Variants in CEP57 observed in about 807,000 individuals in gnomAD.
CEP57 encodes the protein centrosomal protein of 57 kDa.
A neutral mutation model predicts 68.0 loss-of-function variants in CEP57; 40 were observed. That is an observed-to-expected ratio of 0.59 (90% CI 0.46 to 0.77). CEP57 has a LOEUF of 0.77. Among genes scored for constraint, CEP57 ranks in the 30% least tolerant of loss-of-function variants. The pLI is 0.00. For missense variants in CEP57, 606 were observed against 580.7 expected, an observed-to-expected ratio of 1.04 and a Z score of -0.45; for synonymous variants, 219 against 198.7, an observed-to-expected ratio of 1.10 and a Z score of -0.86.
chr11:95,821,962 C>G lies in CEP57; in HGVS notation c.791C>G (p.Ser264Ter), dbSNP rs368470481. The change falls in exon 7 of 11, where the codon TCA becomes TGA. Residue 264 changes from serine (S) to a stop codon, truncating the protein, a stop_gained. Transcript: ENST00000325542. LOFTEE classifies it high-confidence loss of function. ...PNARRIKKKK[S>*]KPPEKKSSRN... The stretch of plus-strand genomic sequence containing the variant: ...GCAAGAAGAATTAAAAAAAAGAAGT[C>G]AAAACCACCAGAAAAGGTGTGAAGA... 1.2e-6 allele frequency: 2 copies of G among 1,611,546 alleles called. No individual in the cohort carries two copies. The highest frequency in any genetic ancestry group is 1.7e-5 in the Admixed American group (1 of 59,956).
chr11:95,828,086 AC>A, intron 9 of CEP57, 59 bp downstream of exon 9: 1 of 1,536,338 alleles, frequency 6.5e-7, no homozygotes. Flanking sequence ...TTTTTTAAAA[AC>A]TTGTTGACTT....
intron 1 of CEP57, among the ~76,000 whole-genome samples, chr11:95,792,894 A>G (rs1861158659): frequency 6.6e-6 from 1 of 151,866 alleles, no homozygotes; most frequent in African/African-American, 2.4e-5. Flanking sequence ...AGCTTATCAA[A>G]CAGCTGATCT....
chr11:95,828,952 G>A (rs921817724), intron 9 of CEP57, among the ~76,000 whole-genome samples: 1 of 151,282 alleles, frequency 6.6e-6, no homozygotes, highest in Non-Finnish European at 1.5e-5. Context: ...TGAGGCAGGA[G>A]AATGGCGTGA....
chr11:95,817,519 A>G (rs1295261520), intron 4 of CEP57, among the ~76,000 whole-genome samples: 3 of 152,288 alleles, frequency 2.0e-5, no homozygotes, highest in Middle Eastern at 3.4e-3. Context: ...TATATGTCCA[A>G]TAAATCCCTG....
At chr11:95,809,222 T>C (rs1861944344) in intron 2 of CEP57, among the ~76,000 whole-genome samples, 1 of 152,134 alleles carries the variant, frequency 6.6e-6, no homozygotes, top group Non-Finnish European at 1.5e-5. Context: ...GGGAAATTTA[T>C]AGCACTAAAT....
intron 1 of CEP57, among the ~76,000 whole-genome samples, chr11:95,792,328 C>G (rs1036413245): frequency 6.6e-6 from 1 of 152,140 alleles, no homozygotes; most frequent in African/African-American, 2.4e-5. Context: ...ACAAGGAATA[C>G]TCTTACAAAT....
Position 95,827,806 on chromosome 11 carries a change from CG to C in CEP57, c.907del (p.Val303TrpfsTer2). Reference sequence around the variant, plus strand: ...TTTAGTCCACAAGCCCTAGCCATGCCGTGGTAGCCAATGTTCAGCTTGTCTT... The same window carrying C: ...TTTAGTCCACAAGCCCTAGCCATGCCTGGTAGCCAATGTTCAGCTTGTCTT... ...AGKSTSPSHA[V>X]VANVQLVLHL... On this transcript the variant is annotated frameshift_variant, in exon 9 of 11. Transcript: ENST00000325542. LOFTEE classifies it high-confidence loss of function. The C allele has an allele frequency of 1.2e-6, 2 of 1,613,982 alleles. No individual in the cohort carries two copies. The highest frequency in any genetic ancestry group is 1.7e-6 in the Non-Finnish European group (2 of 1,179,976).
rs35157937 is a variant in CEP57, at chr11:95,792,922, T to TAA, written c.45+2191_45+2192dup. On this transcript the variant is annotated intron_variant, in intron 1 of 10. Transcript: ENST00000325542. ...GCTGATCTTAACAGTAGGCAACATT[T>TAA]AAAAAAAAAAAAACTTGTTAAAACT... is the stretch of plus-strand genomic sequence containing the variant. 3.3e-3 allele frequency among the ~76,000 whole-genome samples: 486 copies of TAA among 146,764 alleles called. 4 individuals are homozygous for TAA. The highest frequency in any genetic ancestry group is 0.01 in the African/African-American group (416 of 39,794).
intron 3 of CEP57, 82 bp from the exon 4 acceptor site, chr11:95,813,386 A>C: frequency 6.6e-7 from 1 of 1,525,376 alleles, no homozygotes; most frequent in Non-Finnish European, 8.9e-7. Flanking sequence ...TGTATACACA[A>C]TAGATCCAAT....
chr11:95,829,223 G>A lies in CEP57; in HGVS notation c.1164G>A (p.Ser388=), dbSNP rs1463857205. ...HQQLAKLIQE[S]PTVELKDKLE... ...AGCTTGCAAAACTTATCCAGGAGTC[G>A]CCAACCGTTGAACTGAAAGACAAGT... The change falls in exon 10 of 11, where the codon TCG becomes TCA. Residue 388 remains serine (S), a synonymous_variant. Transcript: ENST00000325542. The A allele has an allele frequency of 8.1e-6, 13 of 1,613,768 alleles. No individual in the cohort carries two copies. The highest frequency in any genetic ancestry group is 2.2e-5 in the South Asian group (2 of 91,070).
chr11:95,831,381 C>A lies in CEP57; in HGVS notation c.*125C>A. On this transcript the variant is annotated 3_prime_UTR_variant, in exon 11 of 11. Coordinates refer to ENST00000325542, the MANE Select transcript of CEP57 (RefSeq NM_014679.5). ...TAATTAATAGCAGGTGTTAAAGGAC[C>A]CAGGCTTCATTACACAGGCTTTTCA... 1.4e-6 allele frequency: 1 copy of A among 719,014 alleles called. No individual in the cohort carries two copies. Among genetic ancestry groups the A allele is most frequent in the Non-Finnish European group, 2.4e-6 (1 of 410,660 alleles). 44.5% of individuals were successfully genotyped at this position (719,014 alleles called of 1,614,324 possible).
chr11:95,809,267 A>G (rs992238310), intron 2 of CEP57, among the ~76,000 whole-genome samples: 3 of 152,200 alleles, frequency 2.0e-5, no homozygotes, highest in Non-Finnish European at 4.4e-5. Context: ...TCTAAAATTG[A>G]CACCCTAACA....
chr11:95,791,202 T>G (rs79887776), intron 1 of CEP57, among the ~76,000 whole-genome samples: 153 of 152,294 alleles, frequency 1.0e-3, no homozygotes, highest in African/African-American at 3.3e-3. Context: ...GCTTATGCTG[T>G]TTCCTATCCC....
At chr11:95,804,986 G>A (rs1861732056) in intron 2 of CEP57, among the ~76,000 whole-genome samples, 1 of 152,056 alleles carries the variant, frequency 6.6e-6, no homozygotes, top group Non-Finnish European at 1.5e-5. Context: ...AGCCATTCAA[G>A]AATACATAAA....
At chr11:95,795,665 A>T (rs571774271) in intron 1 of CEP57, 35 of 450,282 alleles carry the variant, frequency 7.8e-5, no homozygotes, top group African/African-American at 6.5e-4. Flanking sequence ...TATCATAAGG[A>T]AGTAAGTTTT....
intron 8 of CEP57, among the ~76,000 whole-genome samples, chr11:95,823,433 T>A (rs776184737): frequency 1.5e-4 from 23 of 152,144 alleles, no homozygotes. Flanking sequence ...TGAAAAAACT[T>A]GCAAACTATA....
At chr11:95,795,723 A>AT (rs1201666857) in intron 1 of CEP57, among the ~76,000 whole-genome samples, 2 of 152,136 alleles carry the variant, frequency 1.3e-5, no homozygotes, top group Admixed American at 1.3e-4. Flanking sequence ...GCTTTTCTAC[A>AT]TTTGTTGACG....
chr11:95,814,983 T>C (rs1313793501), intron 4 of CEP57: 1 of 152,226 alleles, frequency 6.6e-6, no homozygotes, highest in Non-Finnish European at 1.5e-5. Context: ...TAACACCTAA[T>C]GCAATGTAAA....
At chr11:95,828,426 C>G (rs975707102) in intron 9 of CEP57, among the ~76,000 whole-genome samples, 1 of 152,168 alleles carries the variant, frequency 6.6e-6, no homozygotes, top group Non-Finnish European at 1.5e-5. Context: ...TGTTACTCTA[C>G]TACTAAATAC....
Sources: gnomAD v4.1 joint callset for allele counts (sites outside exome capture counted in the v4.1 genomes callset) on GRCh38, gnomAD v4.1.1 for gene constraint, MANE v1.5 for transcripts, NCBI Gene and HGNC (gene_info 2026-07-23, HGNC 2026-07-21) for gene names.